CADPS2: variants seen among roughly 807,000 people sequenced by gnomAD.
CADPS2 encodes the protein calcium-dependent secretion activator 2.
In CADPS2, 93 loss-of-function variants were observed where a neutral mutation model predicts 172.5. The ratio of observed to expected loss-of-function variants is 0.54; its 90% CI spans 0.46 to 0.64. The LOEUF (loss-of-function observed/expected upper bound fraction) is 0.64. CADPS2 is among the 30% of genes least tolerant of loss of function. The pLI is 0.00. For synonymous variants in CADPS2, 546 were observed against 555.2 expected (o/e 0.98, Z 0.23); for missense variants, 1,420 against 1,565.9 (o/e 0.91, Z 1.57).
chr7:122,419,094 C>G (rs1019825918), intron 17 of CADPS2, among the ~76,000 whole-genome samples: 1 of 152,136 alleles, frequency 6.6e-6, no homozygotes, highest in African/African-American at 2.4e-5. Flanking sequence ...AGATCAAAGT[C>G]AGCAACTGGG....
chr7:122,692,337 A>T (rs986804464), intron 2 of CADPS2, among the ~76,000 whole-genome samples: 26 of 152,122 alleles, frequency 1.7e-4, no homozygotes, highest in African/African-American at 6.0e-4. Context: ...TTTCTGGTGG[A>T]TCACTGGGCG....
intron 9 of CADPS2, among the ~76,000 whole-genome samples, chr7:122,508,863 G>A (rs1290804525): frequency 6.6e-6 from 1 of 152,064 alleles, no homozygotes; most frequent in African/African-American, 2.4e-5. Flanking sequence ...GAATAATGTG[G>A]TAGTGCTGGC....
At chr7:122,729,676 G>GTTTT (rs56993717) in intron 2 of CADPS2, among the ~76,000 whole-genome samples, 9 of 94,226 alleles carry the variant, frequency 9.6e-5, no homozygotes, top group East Asian at 3.2e-4. Context: ...ATTTTTAACG[G>GTTTT]TTTTTTTTTT....
intron 7 of CADPS2, among the ~76,000 whole-genome samples, chr7:122,558,043 C>T (rs2065252371): frequency 6.6e-6 from 1 of 152,188 alleles, no homozygotes; most frequent in Non-Finnish European, 1.5e-5. Flanking sequence ...AGTCACACTT[C>T]TATCAGGAAT....
At chr7:122,767,871 C>T in intron 1 of CADPS2, among the ~76,000 whole-genome samples, 1 of 152,110 alleles carries the variant, frequency 6.6e-6, no homozygotes, top group Non-Finnish European at 1.5e-5. Context: ...ATTTGAGCTT[C>T]TAGAATTCTG....
intron 7 of CADPS2, among the ~76,000 whole-genome samples, chr7:122,575,677 T>G (rs1002312069): frequency 2.6e-5 from 4 of 152,272 alleles, no homozygotes; most frequent in Admixed American, 2.0e-4. Flanking sequence ...CCTCAGGTGA[T>G]CTGCCTGCCT....
intron 2 of CADPS2, among the ~76,000 whole-genome samples, chr7:122,665,087 A>C (rs2081050898): frequency 6.6e-6 from 1 of 151,858 alleles, no homozygotes; most frequent in Non-Finnish European, 1.5e-5. Context: ...GGCATGAGCC[A>C]CCACACCTGG....
At chr7:122,538,798 G>A (rs1265376446) in intron 8 of CADPS2, among the ~76,000 whole-genome samples, 1 of 151,996 alleles carries the variant, frequency 6.6e-6, no homozygotes, top group Non-Finnish European at 1.5e-5. Context: ...ACAGGACTGT[G>A]AGTGGACATG....
chr7:122,580,010 G>C (rs2068590070), intron 7 of CADPS2, among the ~76,000 whole-genome samples: 1 of 152,086 alleles, frequency 6.6e-6, no homozygotes. Flanking sequence ...AAAATTTCTA[G>C]TATACAGAAT....
At chr7:122,550,380 TG>T (rs1412950611) in intron 8 of CADPS2, among the ~76,000 whole-genome samples, 1 of 152,208 alleles carries the variant, frequency 6.6e-6, no homozygotes, top group African/African-American at 2.4e-5. Flanking sequence ...AGAGTAGTTT[TG>T]CTAAAATTTT....
chr7:122,847,597 A>T (rs1288411719), intron 1 of CADPS2, among the ~76,000 whole-genome samples: 1 of 149,922 alleles, frequency 6.7e-6, no homozygotes, highest in East Asian at 1.9e-4. Flanking sequence ...AGCTACTTAG[A>T]TTTTTTTTTT....
At chr7:122,808,814 T>C (rs1799369277) in intron 1 of CADPS2, among the ~76,000 whole-genome samples, 1 of 152,222 alleles carries the variant, frequency 6.6e-6, no homozygotes, top group Non-Finnish European at 1.5e-5. Context: ...CTAGATTGGT[T>C]ACTGTTTCTA....
rs531715861 is a variant in CADPS2, at chr7:122,833,610, G to A, written c.339+52389C>T. Among the ~76,000 whole-genome samples the A allele has an allele frequency of 2.6e-5, 4 of 152,038 alleles. No homozygotes were observed. In the South Asian group the frequency reaches 8.3e-4, roughly 32 times the overall value. ...GGGGTTTCACCATGTTGGCCAGGCT[G>A]GTCTCGAACTCCTGACCTCAAGTGA... is the stretch of plus-strand genomic sequence containing the variant. On this transcript the variant is annotated intron_variant, in intron 1 of 29. Coordinates refer to ENST00000449022, the MANE Select transcript of CADPS2 (RefSeq NM_017954.11).
chr7:122,369,195 A>G lies in CADPS2; in HGVS notation c.3388-8182T>C, dbSNP rs368852857. ...CGCCCAGGCTGGAGTGCAGTGGCGC[A>G]ATCTCGGCTCACTGCAAGCTCCGTC... On this transcript the variant is annotated intron_variant, in intron 25 of 29. Coordinates refer to ENST00000449022, the MANE Select transcript of CADPS2 (RefSeq NM_017954.11). 8.5e-5 allele frequency among the ~76,000 whole-genome samples: 10 copies of G among 117,510 alleles called. No homozygotes were observed. In the East Asian group the frequency reaches 1.6e-3, roughly 19 times the overall value. 77.1% of individuals were successfully genotyped at this position (117,510 alleles called of 152,430 possible). A position where few individuals can be genotyped will look rare whatever the true frequency, so the allele number is the denominator to read the frequency against.
At position 122,387,197 on chromosome 7, in the gene CADPS2, G is replaced by A. The variant is rs1335827665; in HGVS notation, c.3165-24C>T. 11 of 1,561,458 alleles carry A rather than the reference G, an allele frequency of 7.0e-6. No individual in the cohort carries two copies. The African/African-American group carries it at 1.4e-4, about 19-fold the overall frequency. ...TTCTAGTTTTTAAAACATGAATTCA[G>A]AGTAAGAAATTCTGCTATACAGCTC... On this transcript the variant is annotated intron_variant, in intron 23 of 29. Coordinates refer to ENST00000449022, the MANE Select transcript of CADPS2 (RefSeq NM_017954.11).
intron 1 of CADPS2, among the ~76,000 whole-genome samples, chr7:122,885,798 G>A (rs1193794656): frequency 1.3e-5 from 2 of 149,820 alleles, no homozygotes; most frequent in Non-Finnish European, 3.0e-5. Context: ...CAGGCGGGGA[G>A]GAGGAGAAGA....
At chr7:122,500,711 T>C (rs2059126007) in intron 9 of CADPS2, among the ~76,000 whole-genome samples, 1 of 152,000 alleles carries the variant, frequency 6.6e-6, no homozygotes, top group African/African-American at 2.4e-5. Flanking sequence ...CAAACAAAAT[T>C]AACAAAGAAT....
At chr7:122,834,403 G>C (rs577882763) in intron 1 of CADPS2, among the ~76,000 whole-genome samples, 1 of 152,130 alleles carries the variant, frequency 6.6e-6, no homozygotes, top group African/African-American at 2.4e-5. Flanking sequence ...CTGAGGTACC[G>C]GGTTCATCTC....
intron 2 of CADPS2, among the ~76,000 whole-genome samples, chr7:122,712,511 T>C (rs567265211): frequency 6.6e-6 from 1 of 152,216 alleles, no homozygotes; most frequent in East Asian, 1.9e-4. Flanking sequence ...AAAGGAACAA[T>C]CTCCTGTCCT....
Sources: gnomAD v4.1 joint callset for allele counts (sites outside exome capture counted in the v4.1 genomes callset) on GRCh38, gnomAD v4.1.1 for gene constraint, MANE v1.5 for transcripts, NCBI Gene and HGNC (gene_info 2026-07-23, HGNC 2026-07-21) for gene names.